TBXAS1: variants seen among roughly 807,000 people sequenced by gnomAD.
TBXAS1 encodes thromboxane A synthase 1, also known as thromboxane-A synthase.
TBXAS1 carries 48 observed loss-of-function variants against 60.7 expected under a neutral mutation model. The observed-to-expected ratio is 0.79, with a 90% CI of 0.63 to 1.01. The LOEUF (loss-of-function observed/expected upper bound fraction) is 1.01. Ranked by LOEUF, TBXAS1 falls within the 50% of genes least tolerant of loss-of-function variation. TBXAS1 has a pLI of 0.00. For synonymous variants in TBXAS1, 287 were observed against 269.7 expected (o/e 1.06, Z -0.63); for missense variants, 685 against 686.3 (o/e 1.00, Z 0.02).
intron 4 of TBXAS1, among the ~76,000 whole-genome samples, chr7:139,917,270 G>C (rs1806071022): frequency 6.6e-6 from 1 of 152,138 alleles, no homozygotes; most frequent in Non-Finnish European, 1.5e-5. Context: ...TCTATTTTGA[G>C]GCCTCTTTGT....
At position 140,013,520 on chromosome 7, in the gene TBXAS1, T is replaced by C. The variant is rs1361467960; in HGVS notation, c.1227-2203T>C. On this transcript the variant is annotated intron_variant, in intron 10 of 12. Coordinates refer to ENST00000448866, the MANE Select transcript of TBXAS1 (RefSeq NM_001061.7). This position sits in a 1 kb window ranked among gnomAD's most constrained non-coding sequence, Gnocchi z 4.2. ...GTTGCAAGGAAGAGAGATTCAATGG[T>C]GCTTTCTTGAGTCACGGGTGTTGGT... Among the ~76,000 whole-genome samples, 1 of 152,188 alleles carries C rather than the reference T, an allele frequency of 6.6e-6. No individual in the cohort carries two copies. The highest frequency in any genetic ancestry group is 2.4e-5 in the African/African-American group (1 of 41,446).
chr7:139,988,400 G>A (rs182770046), intron 9 of TBXAS1, among the ~76,000 whole-genome samples: 5 of 152,308 alleles, frequency 3.3e-5, no homozygotes, highest in Admixed American at 1.3e-4. Context: ...TCACAGTCAT[G>A]GTCCCACCTG....
intron 9 of TBXAS1, among the ~76,000 whole-genome samples, chr7:140,003,310 T>TA (rs1813823819): frequency 6.6e-6 from 1 of 151,682 alleles, no homozygotes. Flanking sequence ...TTCAAGCGAT[T>TA]CTCCTGCCTC....
chr7:139,890,710 C>A (rs1803533749), intron 3 of TBXAS1, among the ~76,000 whole-genome samples: 1 of 152,192 alleles, frequency 6.6e-6, no homozygotes, highest in Admixed American at 6.5e-5. Flanking sequence ...AACATTACAA[C>A]CAGTAATTAC....
At chr7:139,938,762 C>T (rs780912838) in intron 5 of TBXAS1, among the ~76,000 whole-genome samples, 1 of 152,010 alleles carries the variant, frequency 6.6e-6, no homozygotes, top group Non-Finnish European at 1.5e-5. Context: ...TAGAAAGAAC[C>T]TCATGTGTGA....
Position 139,938,633 on chromosome 7 carries a change from A to G in TBXAS1, c.450+2326A>G, listed in dbSNP as rs145022412. On this transcript the variant is annotated intron_variant, in intron 5 of 12. Transcript: ENST00000448866. ...CCCCTTTATCACATCCAGCCACTAA[A>G]AGGTTGAGTCAGCCAAGAGAAGACC... is the stretch of plus-strand genomic sequence containing the variant. Among the ~76,000 whole-genome samples the G allele has an allele frequency of 8.4e-3, 1,278 of 152,238 alleles. 8 individuals carry two copies. The highest frequency in any genetic ancestry group is 0.014 in the Middle Eastern group (4 of 294).
At chr7:139,857,296 T>A (rs1800647597) in intron 1 of TBXAS1, among the ~76,000 whole-genome samples, 1 of 152,200 alleles carries the variant, frequency 6.6e-6, no homozygotes. Context: ...TATAATCATA[T>A]AATATTCTGT....
intron 9 of TBXAS1, among the ~76,000 whole-genome samples, chr7:139,996,923 C>T (rs1244769972): frequency 6.6e-6 from 1 of 152,224 alleles, no homozygotes; most frequent in East Asian, 1.9e-4. Context: ...GAGCACCTCA[C>T]TTTTGCCTGG....
chr7:139,861,477 C>A (rs553463613), intron 1 of TBXAS1, among the ~76,000 whole-genome samples: 1 of 150,088 alleles, frequency 6.7e-6, no homozygotes, highest in African/African-American at 2.5e-5. Flanking sequence ...GAACTCCTGA[C>A]CTCAAGTGAT....
intron 4 of TBXAS1, among the ~76,000 whole-genome samples, chr7:139,823,494 T>C (rs1229877758): frequency 1.3e-5 from 2 of 152,110 alleles, no homozygotes; most frequent in Admixed American, 1.3e-4. Context: ...AGCCAAGGTT[T>C]TCATGCTTCC....
At position 139,851,834 on chromosome 7, in the gene TBXAS1, C is replaced by T. The variant is rs148287414; in HGVS notation, c.90-20401C>T. Among the ~76,000 whole-genome samples the T allele has an allele frequency of 1.1e-3, 162 of 152,282 alleles. 1 individual carries two copies. The highest frequency in any genetic ancestry group is 6.6e-3 in the South Asian group (32 of 4,826). ...CCAAGAGGGCCCTCTGGATCCTTGC[C>T]CTGGAATTCACACCCTTGCATAGCT... On this transcript the variant is annotated intron_variant, in intron 1 of 12. Coordinates refer to ENST00000448866, the MANE Select transcript of TBXAS1 (RefSeq NM_001061.7).
chr7:139,796,861 C>T (rs566538324), intron 4 of TBXAS1, among the ~76,000 whole-genome samples: 68 of 152,300 alleles, frequency 4.5e-4, no homozygotes, highest in African/African-American at 1.6e-3. Flanking sequence ...CCTCTAATGA[C>T]CATTGGGATA....
chr7:139,915,476 G>A (rs1805896231), intron 4 of TBXAS1, among the ~76,000 whole-genome samples: 1 of 152,236 alleles, frequency 6.6e-6, no homozygotes, highest in Non-Finnish European at 1.5e-5. Flanking sequence ...CGGCATATTA[G>A]TTTGATAAAT....
chr7:139,918,711 C>CT (rs773255565), intron 4 of TBXAS1, among the ~76,000 whole-genome samples: 4 of 152,182 alleles, frequency 2.6e-5, no homozygotes, highest in Admixed American at 6.5e-5. Flanking sequence ...GAAGAGGCCC[C>CT]TTTCCAGCAG....
chr7:139,941,981 T>A (rs1808329235), intron 5 of TBXAS1, among the ~76,000 whole-genome samples: 1 of 152,240 alleles, frequency 6.6e-6, no homozygotes, highest in East Asian at 1.9e-4. Flanking sequence ...TCTATATATT[T>A]GTATATTCCT....
At chr7:139,906,814 T>C (rs1316351502) in intron 3 of TBXAS1, among the ~76,000 whole-genome samples, 1 of 152,238 alleles carries the variant, frequency 6.6e-6, no homozygotes, top group East Asian at 1.9e-4. Flanking sequence ...TAAATGGCAA[T>C]GTGCTTTCAT....
In TBXAS1 at chr7:140,017,800, C is replaced by G. The variant is rs761124182; in HGVS notation, c.1494C>G (p.His498Gln). 1.2e-6 allele frequency: 2 copies of G among 1,614,078 alleles called. No individual in the cohort carries two copies. The highest frequency in any genetic ancestry group is 2.2e-5 in the South Asian group (2 of 91,088). ...AGTTGACACTGCTCCACGTGCTGCA[C>G]AAGTTCCGGTTCCAAGCCTGCCCTG... Reference protein sequence around the residue: ...EVKLTLLHVLHKFRFQACPET... With the variant: ...EVKLTLLHVLQKFRFQACPET... Residue 498 changes from histidine to glutamine, a missense_variant, in exon 12 of 13, where the codon CAC (histidine) becomes CAG (glutamine). Physicochemically the swap from His to Gln is conservative, Grantham distance 24 (BLOSUM62 0). Coordinates refer to ENST00000448866, the MANE Select transcript of TBXAS1 (RefSeq NM_001061.7).
rs1366947540 is a variant in TBXAS1, at chr7:140,004,023, G to T, written c.1135-3068G>T. On this transcript the variant is annotated intron_variant, in intron 9 of 12. Coordinates refer to ENST00000448866, the MANE Select transcript of TBXAS1 (RefSeq NM_001061.7). This position sits in a 1 kb window ranked among gnomAD's most constrained non-coding sequence, Gnocchi z 5.1. ...TCTGATTCATTTCTTCTTTCTTGAG[G>T]CCAACTGCTGTTTTCTGCTCATTAA... Among the ~76,000 whole-genome samples, 2 of 152,130 alleles carry T rather than the reference G, an allele frequency of 1.3e-5. No individual in the cohort carries two copies. The highest frequency in any genetic ancestry group is 2.1e-4 in the South Asian group (1 of 4,826).
intron 4 of TBXAS1, among the ~76,000 whole-genome samples, chr7:139,808,968 C>T (rs1309570178): frequency 7.7e-6 from 1 of 130,598 alleles, no homozygotes; most frequent in Non-Finnish European, 1.6e-5. Context: ...AAACAGAGTG[C>T]CAGGTCTTCA....
Sources: allele counts gnomAD v4.1 joint callset (sites outside exome capture counted in the v4.1 genomes callset), GRCh38; gene constraint gnomAD v4.1.1; non-coding constraint Gnocchi (gnomAD v3.1); transcripts MANE v1.5; gene names NCBI Gene and HGNC (gene_info 2026-07-23, HGNC 2026-07-21).